AKT2: variants seen among roughly 807,000 people sequenced by gnomAD.
AKT2 encodes AKT serine/threonine kinase 2.
A neutral mutation model predicts 58.6 loss-of-function variants in AKT2; 16 were observed. That is an observed-to-expected ratio of 0.27 (90% CI 0.18 to 0.41). The LOEUF (loss-of-function observed/expected upper bound fraction) is 0.41, where lower values mean the gene tolerates loss of function less well. Among genes scored for constraint, AKT2 ranks in the 10% least tolerant of loss-of-function variants. The pLI, the probability that AKT2 is intolerant of heterozygous loss-of-function variation, is 1.00. For missense variants in AKT2, 438 were observed against 661.0 expected, an observed-to-expected ratio of 0.66 and a Z score of 3.70; for synonymous variants, 253 against 254.0, an observed-to-expected ratio of 1.00 and a Z score of 0.04.
chr19:40,283,814 TCCCCTTGGC>T (rs1002141057), intron 1 of AKT2, among the ~76,000 whole-genome samples: 1 of 151,974 alleles, frequency 6.6e-6, no homozygotes, highest in African/African-American at 2.4e-5. Context: ...CCACTCCAAG[TCCCCTTGGC>T]CTATGCAAAG....
At chr19:40,265,472 G>A in intron 1 of AKT2, 121 bp from the exon 2 acceptor site, 1 of 1,362,530 alleles carries the variant, frequency 7.3e-7, no homozygotes, top group Non-Finnish European at 9.8e-7. Flanking sequence ...GGTAAGGCCA[G>A]CAAGGGTGGC....
intron 2 of AKT2, 95 bp downstream of exon 2, chr19:40,265,127 C>A: frequency 1.3e-6 from 2 of 1,541,018 alleles, no homozygotes; most frequent in Non-Finnish European, 1.8e-6. Context: ...GCTCCTCAGG[C>A]TGGTAAGACC....
chr19:40,234,568 C>T lies in AKT2; in HGVS notation c.1366+477G>A. 2.7e-6 allele frequency: 1 copy of T among 371,222 alleles called. No individual in the cohort carries two copies. Among genetic ancestry groups the T allele is most frequent in the Non-Finnish European group, 4.9e-6 (1 of 206,016 alleles). The allele number at this position is 371,222 out of a possible 1,614,324, so 23.0% of individuals were successfully genotyped here. On this transcript the variant is annotated intron_variant, in intron 13 of 13. Transcript: ENST00000392038. The surrounding 1 kb of genome is among the most constrained non-coding windows in gnomAD (Gnocchi z 4.7). ...TGCTTCCTCCTCTAGAAAGCCCTCCCTAACTGCAGGCCAGGTCGGATATTT... is the reference window on the plus strand; with the variant it reads ...TGCTTCCTCCTCTAGAAAGCCCTCCTTAACTGCAGGCCAGGTCGGATATTT...
chr19:40,241,926 C>T lies in AKT2; in HGVS notation c.573+12G>A, dbSNP rs1322443367. The stretch of plus-strand genomic sequence containing the variant: ...CACAGAGGCTCGCGAGCGCAATTCC[C>T]GGGGCACGCACCTTGGCAATGATGA... On this transcript the variant is annotated intron_variant, in intron 6 of 13. Coordinates refer to ENST00000392038, the MANE Select transcript of AKT2 (RefSeq NM_001626.6). 3 of 1,613,574 alleles carry T rather than the reference C, an allele frequency of 1.9e-6. No homozygotes were observed. The highest frequency in any genetic ancestry group is 1.7e-6 in the Non-Finnish European group (2 of 1,180,020).
At chr19:40,267,392 T>C (rs1287128671) in intron 1 of AKT2, among the ~76,000 whole-genome samples, 2 of 152,070 alleles carry the variant, frequency 1.3e-5, no homozygotes. Flanking sequence ...CCTACCTGAC[T>C]CTCCATGTTA....
At chr19:40,254,603 G>A (rs566850508) in intron 4 of AKT2, among the ~76,000 whole-genome samples, 9 of 151,828 alleles carry the variant, frequency 5.9e-5, no homozygotes, top group South Asian at 4.2e-4. Context: ...CGAGGCAGGC[G>A]GATCACCTGA....
intron 1 of AKT2, among the ~76,000 whole-genome samples, chr19:40,283,428 C>T (rs1050454423): frequency 2.6e-5 from 4 of 152,276 alleles, no homozygotes; most frequent in East Asian, 1.9e-4. Flanking sequence ...ACAGAGTCGC[C>T]GCTGCCTCAC....
rs1452821030 is a variant in AKT2 at position 40,236,299 on chromosome 19, G to A, written c.918C>T (p.Thr306=). ...CCGGGGTCCCACAGAAGGTTTTCAT[G>A]GTGGCCCCGTCACTGATGCCCTCTT... The part of the protein sequence containing the change: ...LCKEGISDGA[T]MKTFCGTPEY... Residue 306 remains threonine (T), a synonymous_variant, in exon 10 of 14, where the codon ACC becomes ACT. Coordinates refer to ENST00000392038, the MANE Select transcript of AKT2 (RefSeq NM_001626.6). The A allele has an allele frequency of 4.3e-6, 7 of 1,614,016 alleles. No homozygotes were observed. In the South Asian group the frequency reaches 6.6e-5, roughly 15 times the overall value.
intron 4 of AKT2, among the ~76,000 whole-genome samples, chr19:40,251,034 C>T (rs1975119296): frequency 2.0e-5 from 3 of 151,988 alleles, no homozygotes; most frequent in Admixed American, 6.5e-5. Context: ...AAGACTCTGT[C>T]TCCACAAAAA....
chr19:40,251,020 T>G (rs552960600), intron 4 of AKT2, among the ~76,000 whole-genome samples: 1 of 151,870 alleles, frequency 6.6e-6, no homozygotes, highest in Non-Finnish European at 1.5e-5. Context: ...CTGGACAACA[T>G]AGCAAGACTC....
rs755530378 is a variant in AKT2, at chr19:40,235,997, C to T, written c.1068G>A (p.Glu356=). The T allele has an allele frequency of 3.7e-6, 6 of 1,614,154 alleles. No individual in the cohort carries two copies. In the South Asian group the frequency reaches 6.6e-5, roughly 18 times the overall value. The change falls in exon 11 of 14, where the codon GAG becomes GAA. Residue 356 remains glutamate, a synonymous_variant. Coordinates refer to ENST00000392038, the MANE Select transcript of AKT2 (RefSeq NM_001626.6). This position sits in a 1 kb window ranked among gnomAD's most constrained non-coding sequence, Gnocchi z 6.3. ...GRLPFYNQDH[E]RLFELILMEE... ...CCATGAGGATGAGCTCGAAGAGGCG[C>T]TCGTGGTCCTGGTTGTAGAAGGGCA...
In AKT2 at chr19:40,242,348, T is replaced by A. The variant is rs1974464780; in HGVS notation, c.441+186A>T. 26 of 1,014,902 alleles carry A rather than the reference T, an allele frequency of 2.6e-5. No homozygotes were observed. The highest frequency in any genetic ancestry group is 3.9e-5 in the Non-Finnish European group (26 of 669,866). 62.9% of individuals were successfully genotyped at this position (1,014,902 alleles called of 1,614,324 possible). On this transcript the variant is annotated intron_variant, in intron 5 of 13. Coordinates refer to ENST00000392038, the MANE Select transcript of AKT2 (RefSeq NM_001626.6). The surrounding 1 kb of genome is among the most constrained non-coding windows in gnomAD (Gnocchi z 4.3). ...CTGCAGTGGGTCCACCCAAGGTTGC[T>A]CCCTCCCCTACGGGCATGGAGCACA...
chr19:40,242,620 G>A lies in AKT2; in HGVS notation c.355C>T (p.Pro119Ser), dbSNP rs749837210. The A allele has an allele frequency of 1.2e-6, 2 of 1,613,736 alleles. No homozygotes were observed. Among genetic ancestry groups the A allele is most frequent in the Non-Finnish European group, 1.7e-6 (2 of 1,180,026 alleles). Residue 119 changes from proline to serine, a missense_variant, in exon 5 of 14, where the codon CCC becomes TCC. Pro to Ser is a moderately conservative substitution (Grantham distance 74). Coordinates refer to ENST00000392038, the MANE Select transcript of AKT2 (RefSeq NM_001626.6). The surrounding 1 kb of genome is among the most constrained non-coding windows in gnomAD (Gnocchi z 4.3). Reference protein sequence around the residue: ...SLKQRAPGEDPMDYKCGSPSD... With the variant: ...SLKQRAPGEDSMDYKCGSPSD... ...GGGGAGCCACACTTGTAGTCCATGG[G>A]GTCCTCGCCTGGGGCCCGCTGCTTG...
rs151239551 is a variant in AKT2 at position 40,267,904 on chromosome 19, C to G, written c.-84-2553G>C. On this transcript the variant is annotated intron_variant, in intron 1 of 13. Coordinates refer to ENST00000392038, the MANE Select transcript of AKT2 (RefSeq NM_001626.6). ...AAGAACAGGATGTTAGCTTGGTGTG[C>G]GGGACTTGCGAGCAGACACCCGAGT... is the stretch of plus-strand genomic sequence containing the variant. Among the ~76,000 whole-genome samples, 764 of 152,114 alleles carry G rather than the reference C, an allele frequency of 5.0e-3. 1 individual carries two copies. The highest frequency in any genetic ancestry group is 8.6e-3 in the African/African-American group (359 of 41,508).
intron 1 of AKT2, among the ~76,000 whole-genome samples, chr19:40,267,717 G>T (rs1409923628): frequency 6.6e-6 from 1 of 152,180 alleles, no homozygotes; most frequent in African/African-American, 2.4e-5. Context: ...CTCTCTTCAT[G>T]ACACCAATCT....
At chr19:40,240,436 T>G (rs1370964994) in intron 6 of AKT2, 1 of 543,342 alleles carries the variant, frequency 1.8e-6, no homozygotes, top group East Asian at 4.0e-5. Flanking sequence ...CACCACAGGC[T>G]GTGGGAAGTC....
chr19:40,242,100 A>G lies in AKT2; in HGVS notation c.442-31T>C, dbSNP rs2145204705. 1.2e-6 allele frequency: 2 copies of G among 1,613,946 alleles called. No homozygotes were observed. Among genetic ancestry groups the G allele is most frequent in the South Asian group, 2.2e-5 (2 of 91,088 alleles). ...AGGGACAGGGAGAGTGGGGGCAGTC[A>G]GCGCCTGGCTCATGGCCCGTGGGAG... On this transcript the variant is annotated intron_variant, in intron 5 of 13. Transcript: ENST00000392038. The surrounding 1 kb of genome is among the most constrained non-coding windows in gnomAD (Gnocchi z 4.3).
chr19:40,278,213 G>C (rs1176776662), intron 1 of AKT2, among the ~76,000 whole-genome samples: 2 of 152,206 alleles, frequency 1.3e-5, no homozygotes, highest in Admixed American at 6.5e-5. Context: ...GTCTTCAAAA[G>C]GCAGCTTCGC....
chr19:40,242,238 G>T lies in AKT2; in HGVS notation c.442-169C>A. ...ACTGTGTGTTCTGAAGCGGCCTTCAGACCAGGCTCTGCAGGCACAGGGCCT... is the reference window on the plus strand; with the variant it reads ...ACTGTGTGTTCTGAAGCGGCCTTCATACCAGGCTCTGCAGGCACAGGGCCT... On this transcript the variant is annotated intron_variant, in intron 5 of 13. Transcript: ENST00000392038. The surrounding 1 kb of genome is among the most constrained non-coding windows in gnomAD (Gnocchi z 4.3). 9.5e-7 allele frequency: 1 copy of T among 1,053,628 alleles called. No homozygotes were observed. Among genetic ancestry groups the T allele is most frequent in the Non-Finnish European group, 1.4e-6 (1 of 712,124 alleles). The allele number at this position is 1,053,628 out of a possible 1,614,324, so 65.3% of individuals were successfully genotyped here.
Sources: gnomAD v4.1 joint callset for allele counts (sites outside exome capture counted in the v4.1 genomes callset) on GRCh38, gnomAD v4.1.1 for gene constraint, Gnocchi (gnomAD v3.1) non-coding constraint, MANE v1.5 for transcripts, NCBI Gene and HGNC (gene_info 2026-07-23, HGNC 2026-07-21) for gene names.